TACR1: variants seen among roughly 807,000 people sequenced by gnomAD.
TACR1 encodes tachykinin receptor 1.
In TACR1, 25 loss-of-function variants were observed where a neutral mutation model predicts 35.8. That is an observed-to-expected ratio of 0.70 (90% CI 0.51 to 0.98). TACR1 has a LOEUF of 0.98. Ranked by LOEUF, TACR1 falls within the 50% of genes least tolerant of loss-of-function variation. TACR1 has a pLI of 0.00. For synonymous variants in TACR1, 195 were observed against 206.7 expected (o/e 0.94, Z 0.48); for missense variants, 478 against 522.9 (o/e 0.91, Z 0.84).
chr2:75,127,652 C>T (rs1024662059), intron 1 of TACR1, among the ~76,000 whole-genome samples: 2 of 152,176 alleles, frequency 1.3e-5, no homozygotes, highest in Non-Finnish European at 2.9e-5. Flanking sequence ...TGTTCTGTCT[C>T]ATGTGTGATC....
chr2:75,162,311 C>T (rs1489131466), intron 1 of TACR1, among the ~76,000 whole-genome samples: 1 of 152,094 alleles, frequency 6.6e-6, no homozygotes, highest in Non-Finnish European at 1.5e-5. Flanking sequence ...TTTCATTACC[C>T]CACCTAAATA....
chr2:75,060,527 A>T (rs1201001821), intron 2 of TACR1, among the ~76,000 whole-genome samples: 3 of 152,138 alleles, frequency 2.0e-5, no homozygotes, highest in Non-Finnish European at 4.4e-5. Flanking sequence ...CTAAGATGCC[A>T]TTAGAACTGA....
At chr2:75,123,028 T>C (rs1047498599) in intron 1 of TACR1, among the ~76,000 whole-genome samples, 1 of 152,180 alleles carries the variant, frequency 6.6e-6, no homozygotes. Context: ...AGCCAACACA[T>C]GTGGGCCTGT....
chr2:75,077,279 A>G (rs562843018), intron 2 of TACR1, among the ~76,000 whole-genome samples: 2 of 152,224 alleles, frequency 1.3e-5, no homozygotes, highest in South Asian at 2.1e-4. Context: ...CTATTATTTT[A>G]ATTTTACTGA....
At chr2:75,057,696 T>C (rs1434528638) in intron 2 of TACR1, among the ~76,000 whole-genome samples, 1 of 152,148 alleles carries the variant, frequency 6.6e-6, no homozygotes, top group East Asian at 1.9e-4. Flanking sequence ...GGAGTTATTG[T>C]CTAATGGGTA....
At chr2:75,094,859 A>ATATATATATATTTTTTTT in intron 2 of TACR1, among the ~76,000 whole-genome samples, 1 of 113,134 alleles carries the variant, frequency 8.8e-6, no homozygotes, top group African/African-American at 4.8e-5. Context: ...ATATATATAT[A>ATATATATATATTTTTTTT]TTTTTTTTTT....
At chr2:75,062,354 A>T (rs1672687703) in intron 2 of TACR1, among the ~76,000 whole-genome samples, 1 of 152,176 alleles carries the variant, frequency 6.6e-6, no homozygotes, top group African/African-American at 2.4e-5. Context: ...AAATGGATTG[A>T]TATCTTCCTC....
chr2:75,069,779 T>G (rs1164445682), intron 2 of TACR1, among the ~76,000 whole-genome samples: 1 of 152,230 alleles, frequency 6.6e-6, no homozygotes, highest in African/African-American at 2.4e-5. Flanking sequence ...TTATGGCTTT[T>G]TGGGAGGAAG....
At chr2:75,096,308 C>G (rs1329482598) in intron 2 of TACR1, among the ~76,000 whole-genome samples, 1 of 152,192 alleles carries the variant, frequency 6.6e-6, no homozygotes, top group African/African-American at 2.4e-5. Flanking sequence ...TCTGCTCTCC[C>G]TAAACATCAG....
chr2:75,058,003 A>G (rs1672602244), intron 2 of TACR1, among the ~76,000 whole-genome samples: 1 of 152,198 alleles, frequency 6.6e-6, no homozygotes, highest in Non-Finnish European at 1.5e-5. Context: ...GCACTTGACA[A>G]CTACACCCTC....
chr2:75,049,832 T>G (rs1282009184), intron 4 of TACR1, 109 bp from the exon 5 acceptor site: 1 of 1,258,814 alleles, frequency 7.9e-7, no homozygotes, highest in Admixed American at 2.8e-5. Flanking sequence ...CGTGATTCTG[T>G]TATTGTTTTT....
chr2:75,101,344 A>C (rs541584155), intron 2 of TACR1, among the ~76,000 whole-genome samples: 2 of 152,332 alleles, frequency 1.3e-5, no homozygotes, highest in South Asian at 4.1e-4. Flanking sequence ...AGTAATACTA[A>C]TAAATAAAGC....
chr2:75,058,082 C>T (rs189973216), intron 2 of TACR1, among the ~76,000 whole-genome samples: 4 of 152,314 alleles, frequency 2.6e-5, no homozygotes, highest in Non-Finnish European at 1.5e-5. Flanking sequence ...AGGTTAAACA[C>T]ATCCTTCTAA....
At chr2:75,196,013 G>T (rs1351560014) in intron 1 of TACR1, among the ~76,000 whole-genome samples, 1 of 152,178 alleles carries the variant, frequency 6.6e-6, no homozygotes, top group Non-Finnish European at 1.5e-5. Flanking sequence ...AGGTAAGGGG[G>T]ATTGGATTTT....
chr2:75,125,756 A>G (rs979919669), intron 1 of TACR1, among the ~76,000 whole-genome samples: 1 of 152,206 alleles, frequency 6.6e-6, no homozygotes, highest in African/African-American at 2.4e-5. Context: ...TTTCTGTCAT[A>G]TAGACACCCA....
At chr2:75,105,804 C>G (rs975950494) in intron 2 of TACR1, among the ~76,000 whole-genome samples, 10 of 151,584 alleles carry the variant, frequency 6.6e-5, no homozygotes, top group Non-Finnish European at 1.3e-4. Context: ...AAAAAAATGT[C>G]AAAAAAATTC....
At chr2:75,170,669 C>T (rs969502381) in intron 1 of TACR1, among the ~76,000 whole-genome samples, 2 of 152,158 alleles carry the variant, frequency 1.3e-5, no homozygotes, top group Non-Finnish European at 2.9e-5. Context: ...AAAGTCCAGG[C>T]TGAGGTGGTC....
intron 1 of TACR1, among the ~76,000 whole-genome samples, chr2:75,128,726 AT>A (rs1558562564): frequency 6.6e-6 from 1 of 152,112 alleles, no homozygotes; most frequent in East Asian, 1.9e-4. Flanking sequence ...GTAATGTACC[AT>A]TTCATTTCCA....
At chr2:75,109,404 G>C (rs1673708759) in intron 2 of TACR1, among the ~76,000 whole-genome samples, 1 of 152,158 alleles carries the variant, frequency 6.6e-6, no homozygotes, top group African/African-American at 2.4e-5. Flanking sequence ...AAAGACTTGA[G>C]TAGAGACCCC....
Sources: gnomAD v4.1 joint callset for allele counts (sites outside exome capture counted in the v4.1 genomes callset) on GRCh38, gnomAD v4.1.1 for gene constraint, MANE v1.5 for transcripts, NCBI Gene and HGNC (gene_info 2026-07-23, HGNC 2026-07-21) for gene names.